The following LPP variants were observed in gnomAD, a reference collection of about 807,000 sequenced individuals.
The protein encoded by LPP is LIM domain containing preferred translocation partner in lipoma, also known as lipoma-preferred partner.
LPP carries 38 observed loss-of-function variants against 60.4 expected under a neutral mutation model. The observed-to-expected ratio is 0.63, with a 90% CI of 0.49 to 0.83. The LOEUF is 0.83. Among genes scored for constraint, LPP ranks in the 40% least tolerant of loss-of-function variants. The pLI, the probability that LPP is intolerant of heterozygous loss-of-function variation, is 0.00. For synonymous variants in LPP, 328 were observed against 290.8 expected, an observed-to-expected ratio of 1.13 and a Z score of -1.30; for missense variants, 902 against 783.6, an observed-to-expected ratio of 1.15 and a Z score of -1.80.
chr3:188,807,491 T>A (rs1044264637), intron 9 of LPP, among the ~76,000 whole-genome samples: 4 of 152,142 alleles, frequency 2.6e-5, no homozygotes, highest in African/African-American at 9.6e-5. Context: ...TATTTTCTCT[T>A]TGGAGTTCTA....
chr3:188,482,563 C>A (rs574101353), intron 4 of LPP, among the ~76,000 whole-genome samples: 34 of 151,770 alleles, frequency 2.2e-4, no homozygotes, highest in African/African-American at 7.7e-4. Context: ...TGGTGCCTGA[C>A]CCCCTCACTC....
intron 9 of LPP, among the ~76,000 whole-genome samples, chr3:188,790,730 G>T (rs1046456494): frequency 1.3e-5 from 2 of 151,836 alleles, no homozygotes; most frequent in African/African-American, 4.8e-5. Context: ...GCTGAGGCAG[G>T]AGAGTCGCTT....
chr3:188,656,280 G>T (rs930008767), intron 7 of LPP, among the ~76,000 whole-genome samples: 1 of 151,652 alleles, frequency 6.6e-6, no homozygotes, highest in African/African-American at 2.4e-5. Context: ...GGCCTCAGAG[G>T]AAGGGTTCTG....
Position 188,511,303 on chromosome 3 carries a change from G to T in LPP, c.307-13362G>T, listed in dbSNP as rs1366468502. Reference sequence around the variant, plus strand: ...CCTTCCCTCCCTTCCTTCCCTCCCTGCCTTCCTCCCTCCCCTCTCTCCCTC... The same window carrying T: ...CCTTCCCTCCCTTCCTTCCCTCCCTTCCTTCCTCCCTCCCCTCTCTCCCTC... On this transcript the variant is annotated intron_variant, in intron 5 of 11. Transcript: ENST00000617246. Among the ~76,000 whole-genome samples the T allele has an allele frequency of 8.2e-4, 42 of 51,404 alleles. No individual in the cohort carries two copies. The South Asian group carries it at 0.029, about 35-fold the overall frequency. The allele number at this position is 51,404 out of a possible 152,430, so 33.7% of individuals were successfully genotyped here.
chr3:188,867,154 AG>A (rs1766854970), intron 10 of LPP, among the ~76,000 whole-genome samples: 2 of 151,816 alleles, frequency 1.3e-5, no homozygotes, highest in African/African-American at 4.8e-5. Context: ...CCTGTATTAC[AG>A]CTGGGGTCTT....
At chr3:188,198,916 C>T (rs74450616) in intron 1 of LPP, among the ~76,000 whole-genome samples, 4,579 of 152,220 alleles carry the variant, frequency 0.03, 126 homozygotes, top group South Asian at 0.096. Context: ...TAGCAAATTA[C>T]CCCCAAACTC....
At chr3:188,806,106 T>C (rs1190324270) in intron 9 of LPP, among the ~76,000 whole-genome samples, 1 of 151,890 alleles carries the variant, frequency 6.6e-6, no homozygotes, top group Non-Finnish European at 1.5e-5. Context: ...CTAACAGTAT[T>C]GTACAAGTTC....
chr3:188,673,435 C>T (rs966318832), intron 7 of LPP, among the ~76,000 whole-genome samples: 1 of 152,164 alleles, frequency 6.6e-6, no homozygotes, highest in African/African-American at 2.4e-5. Context: ...AACTCTTTGA[C>T]AGTGTACAGC....
chr3:188,867,102 T>C (rs1211218611), intron 10 of LPP, among the ~76,000 whole-genome samples: 1 of 152,100 alleles, frequency 6.6e-6, no homozygotes, highest in Non-Finnish European at 1.5e-5. Context: ...CAAAATAATC[T>C]GTCCCCACTA....
chr3:188,269,645 ATG>A (rs368115626), intron 2 of LPP, among the ~76,000 whole-genome samples: 3,570 of 136,412 alleles, frequency 0.026, 53 homozygotes, highest in Non-Finnish European at 0.029. Context: ...CTTTTTTTTT[ATG>A]TGTGTGTGTG....
chr3:188,172,273 T>A (rs1405724807), intron 1 of LPP, among the ~76,000 whole-genome samples: 1 of 152,228 alleles, frequency 6.6e-6, no homozygotes, highest in Admixed American at 6.5e-5. Flanking sequence ...GGGCCAGAGC[T>A]CTGGAGCTAC....
chr3:188,639,998 C>G (rs186621178), intron 7 of LPP, among the ~76,000 whole-genome samples: 1 of 152,016 alleles, frequency 6.6e-6, no homozygotes, highest in African/African-American at 2.4e-5. Flanking sequence ...TACCATTTGA[C>G]CCAGCCATCC....
At chr3:188,691,557 T>G (rs923123327) in intron 7 of LPP, among the ~76,000 whole-genome samples, 48 of 152,238 alleles carry the variant, frequency 3.2e-4, no homozygotes, top group African/African-American at 1.0e-3. Flanking sequence ...CACAAATTAC[T>G]TGAGTAGTCC....
intron 3 of LPP, among the ~76,000 whole-genome samples, chr3:188,375,316 G>A (rs950960134): frequency 1.3e-5 from 2 of 152,086 alleles, no homozygotes; most frequent in African/African-American, 2.4e-5. Flanking sequence ...GGTAGAATTC[G>A]GCTGTGAATC....
In LPP at chr3:188,607,193, T is replaced by G. The variant is rs75493425; in HGVS notation, c.430-1968T>G. On this transcript the variant is annotated intron_variant, in intron 6 of 11. Transcript: ENST00000617246. ...ATTTAAACATCCTGAAGTCTTTGAATTAAAGCAACAGGGCACAATTTCAGG... is the reference window on the plus strand; with the variant it reads ...ATTTAAACATCCTGAAGTCTTTGAAGTAAAGCAACAGGGCACAATTTCAGG... Among the ~76,000 whole-genome samples the G allele has an allele frequency of 7.0e-3, 1,041 of 147,672 alleles. 19 individuals carry two copies. The highest frequency in any genetic ancestry group is 0.025 in the African/African-American group (984 of 39,992).
chr3:188,758,779 A>G (rs1453490412), intron 8 of LPP: 1 of 152,194 alleles, frequency 6.6e-6, no homozygotes, highest in Admixed American at 6.5e-5. Context: ...GTAATATAGC[A>G]TAGTGTTTAA....
Position 188,550,536 on chromosome 3 carries a change from C to G in LPP, c.429+25749C>G, listed in dbSNP as rs541774138. ...GAGGTTGCGGTGAGCCGAGATCACG[C>G]CACTGCACTCCAGCCTGGGTGACAG... is the stretch of plus-strand genomic sequence containing the variant. On this transcript the variant is annotated intron_variant, in intron 6 of 11. Transcript: ENST00000617246. Among the ~76,000 whole-genome samples the G allele has an allele frequency of 1.0e-4, 14 of 139,682 alleles. No homozygotes were observed. The East Asian group carries it at 2.4e-3, about 24-fold the overall frequency. The allele number at this position is 139,682 out of a possible 152,430, so 91.6% of individuals were successfully genotyped here.
At chr3:188,301,547 A>G (rs1749872800) in intron 2 of LPP, among the ~76,000 whole-genome samples, 1 of 152,236 alleles carries the variant, frequency 6.6e-6, no homozygotes, top group Non-Finnish European at 1.5e-5. Flanking sequence ...GCTTCAGAGT[A>G]GTTCTCTTTT....
rs1769979408 is a variant in LPP at position 188,881,247 on chromosome 3, T to C, written c.*6768T>C. ...CATATCTTCTTAGTCCTGGCCAGTA[T>C]GTAGTTGCGCTCACATACGTCTATT... On this transcript the variant is annotated 3_prime_UTR_variant, in exon 12 of 12. Transcript: ENST00000617246. 5.4e-6 allele frequency: 1 copy of C among 185,978 alleles called. No homozygotes were observed. Among genetic ancestry groups the C allele is most frequent in the African/African-American group, 2.3e-5 (1 of 42,754 alleles). 11.5% of individuals were successfully genotyped at this position (185,978 alleles called of 1,614,324 possible).
Sources: allele counts gnomAD v4.1 joint callset (sites outside exome capture counted in the v4.1 genomes callset), GRCh38; gene constraint gnomAD v4.1.1; transcripts MANE v1.5; gene names NCBI Gene and HGNC (gene_info 2026-07-23, HGNC 2026-07-21).